RGS6: variants seen among roughly 807,000 people sequenced by gnomAD.
RGS6 encodes regulator of G-protein signaling 6.
A neutral mutation model predicts 78.5 loss-of-function variants in RGS6; 30 were observed. That is an observed-to-expected ratio of 0.38 (90% CI 0.29 to 0.52). RGS6 has a LOEUF of 0.52. RGS6 is among the 20% of genes least tolerant of loss of function. The pLI, the probability that RGS6 is intolerant of heterozygous loss-of-function variation, is 0.85. For missense variants in RGS6, 495 were observed against 609.7 expected, an observed-to-expected ratio of 0.81 and a Z score of 1.98; for synonymous variants, 206 against 206.0, an observed-to-expected ratio of 1.00 and a Z score of 0.00.
chr14:72,155,776 C>T (rs753906182), intron 2 of RGS6, among the ~76,000 whole-genome samples: 1 of 152,238 alleles, frequency 6.6e-6, no homozygotes, highest in Non-Finnish European at 1.5e-5. Flanking sequence ...CTGTTTGAAT[C>T]ATCACATCTA....
chr14:72,185,004 G>A (rs1040939343), intron 2 of RGS6, among the ~76,000 whole-genome samples: 15 of 152,292 alleles, frequency 9.8e-5, no homozygotes, highest in Non-Finnish European at 1.3e-4. Context: ...TCAAAAGTAG[G>A]GAAGCCAACA....
the RGS6 span, among the ~76,000 whole-genome samples, chr14:72,586,384 G>A: frequency 1.3e-5 from 2 of 152,252 alleles, no homozygotes; most frequent in South Asian, 4.1e-4. Flanking sequence ...AATGCTTGGT[G>A]CCTCCTCCTC....
At chr14:71,915,013 CG>C in the RGS6 span, among the ~76,000 whole-genome samples, 1 of 150,958 alleles carries the variant, frequency 6.6e-6, no homozygotes, top group East Asian at 2.0e-4. Context: ...TTTGGGAGGC[CG>C]AGGCAGACAG....
intron 2 of RGS6, among the ~76,000 whole-genome samples, chr14:72,194,166 G>C (rs2039438467): frequency 6.6e-6 from 1 of 152,052 alleles, no homozygotes; most frequent in African/African-American, 2.4e-5. Context: ...CATGTATTTT[G>C]AAGGCGGAGT....
chr14:72,566,289 C>G lies in RGS6; in HGVS notation c.*3822C>G, dbSNP rs542852649. On this transcript the variant is annotated 3_prime_UTR_variant, in exon 18 of 18. Coordinates refer to ENST00000553525, the MANE Select transcript of RGS6 (RefSeq NM_001204424.2). ...CAGGACTTGGCCCTCTCCCCAGCCC[C>G]GATGAGGGCTCAGAGCCAGCTGCTG... 2 of 152,206 alleles carry G rather than the reference C, an allele frequency of 1.3e-5. No individual in the cohort carries two copies. The highest frequency in any genetic ancestry group is 4.8e-5 in the African/African-American group (2 of 41,434). 9.4% of individuals were successfully genotyped at this position (152,206 alleles called of 1,614,324 possible). A position where few individuals can be genotyped will look rare whatever the true frequency, so the allele number is the denominator to read the frequency against.
chr14:72,449,352 C>A (rs1205511362), intron 3 of RGS6, among the ~76,000 whole-genome samples: 1 of 152,170 alleles, frequency 6.6e-6, no homozygotes, highest in South Asian at 2.1e-4. Flanking sequence ...GTGATGGGAA[C>A]CAGTCTTTTT....
intron 2 of RGS6, among the ~76,000 whole-genome samples, chr14:72,145,209 G>A (rs1216992225): frequency 6.6e-6 from 1 of 152,158 alleles, no homozygotes; most frequent in African/African-American, 2.4e-5. Flanking sequence ...GACTCTTGGA[G>A]CCAGAGGCTG....
chr14:71,900,843 G>A, the RGS6 span, among the ~76,000 whole-genome samples: 1 of 152,124 alleles, frequency 6.6e-6, no homozygotes, highest in Non-Finnish European at 1.5e-5. Context: ...TCTGGTGAGG[G>A]CCTCAGGAAG....
chr14:72,001,471 AAC>A (rs3053057), intron 2 of RGS6, among the ~76,000 whole-genome samples: 3,379 of 145,968 alleles, frequency 0.023, 84 homozygotes, highest in East Asian at 0.1. Context: ...ATAAAAACAG[AAC>A]ACACACACAC....
intron 2 of RGS6, among the ~76,000 whole-genome samples, chr14:72,130,764 T>G (rs2096296378): frequency 6.6e-6 from 1 of 152,206 alleles, no homozygotes; most frequent in Non-Finnish European, 1.5e-5. Context: ...CTTAGAAAAT[T>G]ACCCTACATG....
chr14:71,952,277 T>C (rs756090833), intron 1 of RGS6, among the ~76,000 whole-genome samples: 12 of 152,192 alleles, frequency 7.9e-5, no homozygotes, highest in Non-Finnish European at 1.5e-4. Flanking sequence ...ATACCGTTTA[T>C]CAGATCAAGC....
intron 2 of RGS6, among the ~76,000 whole-genome samples, chr14:72,003,168 G>C (rs2083815153): frequency 3.9e-5 from 6 of 152,290 alleles, no homozygotes; most frequent in Middle Eastern, 3.4e-3. Flanking sequence ...TGGATTAGTA[G>C]AGCTGCGGCT....
At chr14:72,110,716 T>G (rs1207378512) in intron 2 of RGS6, among the ~76,000 whole-genome samples, 1 of 152,224 alleles carries the variant, frequency 6.6e-6, no homozygotes, top group Non-Finnish European at 1.5e-5. Flanking sequence ...GGCTGTAGAA[T>G]GAGCAATAAC....
chr14:72,172,109 G>T (rs569411309), intron 2 of RGS6, among the ~76,000 whole-genome samples: 1 of 152,042 alleles, frequency 6.6e-6, no homozygotes, highest in Non-Finnish European at 1.5e-5. Flanking sequence ...GATACAAAAT[G>T]GCTCATTGGC....
intron 17 of RGS6, chr14:72,547,378 C>CG: frequency 4.3e-6 from 6 of 1,398,334 alleles, no homozygotes; most frequent in South Asian, 3.7e-5. Flanking sequence ...GTAAGACCCC[C>CG]CCCCGACCCA....
At chr14:72,054,803 A>G (rs1271264934) in intron 2 of RGS6, among the ~76,000 whole-genome samples, 1 of 152,080 alleles carries the variant, frequency 6.6e-6, no homozygotes, top group Non-Finnish European at 1.5e-5. Flanking sequence ...CTACATATCT[A>G]CATGTAGCCT....
intron 3 of RGS6, among the ~76,000 whole-genome samples, chr14:72,448,306 GA>G (rs2095416745): frequency 1.3e-5 from 2 of 152,126 alleles, no homozygotes; most frequent in South Asian, 4.1e-4. Flanking sequence ...CTTTTCCTTG[GA>G]AAAACTCAAG....
chr14:72,483,720 A>G (rs1014723111), intron 12 of RGS6, among the ~76,000 whole-genome samples: 2 of 152,066 alleles, frequency 1.3e-5, no homozygotes, highest in Non-Finnish European at 2.9e-5. Context: ...GACAGAAAAA[A>G]AAAAAGACCG....
chr14:72,299,907 TAGG>T (rs1252167850), intron 2 of RGS6, among the ~76,000 whole-genome samples: 1 of 152,194 alleles, frequency 6.6e-6, no homozygotes, highest in African/African-American at 2.4e-5. Flanking sequence ...TGAGTCTAAA[TAGG>T]AGTTTATAAA....
Sources: allele counts gnomAD v4.1 joint callset (sites outside exome capture counted in the v4.1 genomes callset), GRCh38; gene constraint gnomAD v4.1.1; transcripts MANE v1.5; gene names NCBI Gene and HGNC (gene_info 2026-07-23, HGNC 2026-07-21).